NCAM2: variants seen among roughly 807,000 people sequenced by gnomAD.
NCAM2 encodes the protein neural cell adhesion molecule 2.
NCAM2 carries 30 observed loss-of-function variants against 98.1 expected under a neutral mutation model. The observed-to-expected ratio is 0.31, with a 90% CI of 0.23 to 0.41. The LOEUF is 0.41. Among genes scored for constraint, NCAM2 ranks in the 10% least tolerant of loss-of-function variants. The probability of loss-of-function intolerance (pLI) is 1.00; values close to 1 mark genes in which losing one functional copy is unlikely to be tolerated. For missense variants in NCAM2, 867 were observed against 1,005.8 expected (o/e 0.86, Z 1.87); for synonymous variants, 368 against 342.4 (o/e 1.07, Z -0.83).
In NCAM2 at chr21:21,431,123, T is replaced by TTGTGTGTG. The variant is rs3037969; in HGVS notation, c.1481-969_1481-962dup. ...CAGAGCCAAACCATATAATATATGT[T>TTGTGTGTG]TGTGTGTGTGTGTGTGTGTGTGTAT... On this transcript the variant is annotated intron_variant, in intron 11 of 17. Coordinates refer to ENST00000400546, the MANE Select transcript of NCAM2 (RefSeq NM_004540.5). Among the ~76,000 whole-genome samples, 182 of 141,236 alleles carry TTGTGTGTG rather than the reference T, an allele frequency of 1.3e-3. 1 individual carries two copies. The highest frequency in any genetic ancestry group is 3.6e-3 in the African/African-American group (136 of 38,018). 92.7% of individuals were successfully genotyped at this position (141,236 alleles called of 152,430 possible).
At chr21:21,033,072 G>A (rs1001553504) in intron 1 of NCAM2, among the ~76,000 whole-genome samples, 5 of 151,902 alleles carry the variant, frequency 3.3e-5, no homozygotes, top group African/African-American at 7.3e-5. Context: ...TGCCTCCCAA[G>A]TAGCTGTAGC....
At chr21:21,129,090 T>A (rs1046868711) in intron 1 of NCAM2, among the ~76,000 whole-genome samples, 1 of 152,166 alleles carries the variant, frequency 6.6e-6, no homozygotes, top group African/African-American at 2.4e-5. Flanking sequence ...GGTAAACAAA[T>A]TTTAAAACGT....
intron 1 of NCAM2, among the ~76,000 whole-genome samples, chr21:21,066,569 A>G (rs1464286612): frequency 6.6e-6 from 1 of 152,150 alleles, no homozygotes; most frequent in African/African-American, 2.4e-5. Context: ...ACATGCTACT[A>G]TTGATGCCTC....
intron 1 of NCAM2, among the ~76,000 whole-genome samples, chr21:21,030,678 C>T (rs140371008): frequency 6.6e-6 from 1 of 152,288 alleles, no homozygotes; most frequent in East Asian, 1.9e-4. Flanking sequence ...TTGACAGTGC[C>T]TTCCTTTTAA....
At position 21,236,211 on chromosome 21, in the gene NCAM2, T is replaced by A. The variant is rs140846231; in HGVS notation, c.56-44367T>A. On this transcript the variant is annotated intron_variant, in intron 1 of 17. Transcript: ENST00000400546. ...TTCCTATCTAGGAAATCCCAAGATG[T>A]TATCTCTGTCTTTTGACATTGATCA... 9.1e-4 allele frequency among the ~76,000 whole-genome samples: 139 copies of A among 152,220 alleles called. 1 individual carries two copies. Among genetic ancestry groups the A allele is most frequent in the African/African-American group, 3.1e-3 (130 of 41,562 alleles).
At chr21:21,107,726 G>C (rs1888441574) in intron 1 of NCAM2, among the ~76,000 whole-genome samples, 1 of 152,088 alleles carries the variant, frequency 6.6e-6, no homozygotes, top group Non-Finnish European at 1.5e-5. Context: ...ATGTTGGACA[G>C]TAAGAAAGAG....
intron 12 of NCAM2, among the ~76,000 whole-genome samples, chr21:21,455,254 G>A (rs897196887): frequency 7.8e-5 from 11 of 141,118 alleles, no homozygotes; most frequent in African/African-American, 2.9e-4. Context: ...CCTGTTTGAT[G>A]ACTCAATACA....
intron 1 of NCAM2, among the ~76,000 whole-genome samples, chr21:21,000,818 A>G (rs138426866): frequency 0.013 from 2,003 of 152,262 alleles, 24 homozygotes; most frequent in Non-Finnish European, 0.019. Context: ...CTGGAGTCCA[A>G]TTCCTCTATG....
chr21:21,353,253 T>A (rs1024901529), intron 8 of NCAM2, among the ~76,000 whole-genome samples: 1 of 152,220 alleles, frequency 6.6e-6, no homozygotes, highest in Non-Finnish European at 1.5e-5. Flanking sequence ...CTATGTACTT[T>A]ATGATGGAAT....
At chr21:21,174,191 GGGA>G (rs2068211925) in intron 1 of NCAM2, among the ~76,000 whole-genome samples, 1 of 152,146 alleles carries the variant, frequency 6.6e-6, no homozygotes, top group South Asian at 2.1e-4. Context: ...CCCAAGTGCT[GGGA>G]TTACAGGTGT....
chr21:21,467,428 T>A lies in NCAM2; in HGVS notation c.1774+703T>A, dbSNP rs71330163. On this transcript the variant is annotated intron_variant, in intron 13 of 17. Transcript: ENST00000400546. ...TGTATATGTGTATATATATATCTTT[T>A]TATATATATATATATGTTAGGACAG... is the stretch of plus-strand genomic sequence containing the variant. 8.3e-3 allele frequency among the ~76,000 whole-genome samples: 1,162 copies of A among 140,658 alleles called. 8 individuals carry two copies. The highest frequency in any genetic ancestry group is 0.011 in the Non-Finnish European group (744 of 66,400). 92.3% of individuals were successfully genotyped at this position (140,658 alleles called of 152,430 possible).
chr21:21,244,804 G>A (rs368070504), intron 1 of NCAM2, among the ~76,000 whole-genome samples: 38 of 133,418 alleles, frequency 2.8e-4, no homozygotes, highest in African/African-American at 1.1e-3. Context: ...CCGAGATCGC[G>A]CCACTGCACT....
chr21:21,392,579 T>C (rs1306765467), intron 9 of NCAM2, among the ~76,000 whole-genome samples: 1 of 152,104 alleles, frequency 6.6e-6, no homozygotes, highest in African/African-American at 2.4e-5. Flanking sequence ...AGTGTAACAG[T>C]GTTCCTTTTT....
intron 1 of NCAM2, among the ~76,000 whole-genome samples, chr21:21,150,387 G>C (rs2067413044): frequency 6.6e-6 from 1 of 152,004 alleles, no homozygotes; most frequent in African/African-American, 2.4e-5. Flanking sequence ...TGTGAATAGA[G>C]GTGATGAGAA....
At chr21:21,524,264 C>A (rs1989194882) in intron 16 of NCAM2, among the ~76,000 whole-genome samples, 1 of 151,936 alleles carries the variant, frequency 6.6e-6, no homozygotes, top group Non-Finnish European at 1.5e-5. Context: ...GGGGTCATTT[C>A]TCAAGGAAAA....
At chr21:21,101,560 T>C (rs1326560045) in intron 1 of NCAM2, among the ~76,000 whole-genome samples, 3 of 152,052 alleles carry the variant, frequency 2.0e-5, no homozygotes, top group Non-Finnish European at 4.4e-5. Flanking sequence ...AAGCTTTCTT[T>C]TATTTCAAAT....
chr21:21,127,475 C>T (rs1429578052), intron 1 of NCAM2, among the ~76,000 whole-genome samples: 1 of 152,098 alleles, frequency 6.6e-6, no homozygotes, highest in African/African-American at 2.4e-5. Context: ...TCCAGATCTT[C>T]TCTTCTAGCT....
At chr21:21,051,240 T>C in intron 1 of NCAM2, among the ~76,000 whole-genome samples, 1 of 123,376 alleles carries the variant, frequency 8.1e-6, no homozygotes, top group Non-Finnish European at 1.7e-5. Context: ...AAAGCATGCT[T>C]CAAGCTATGG....
intron 1 of NCAM2, among the ~76,000 whole-genome samples, chr21:21,028,506 TTTG>T (rs1431806242): frequency 6.6e-6 from 1 of 152,218 alleles, no homozygotes; most frequent in Non-Finnish European, 1.5e-5. Context: ...GTGAGGTCAC[TTTG>T]TTGTTGTTTG....
Sources: gnomAD v4.1 joint callset for allele counts (sites outside exome capture counted in the v4.1 genomes callset) on GRCh38, gnomAD v4.1.1 for gene constraint, MANE v1.5 for transcripts, NCBI Gene and HGNC (gene_info 2026-07-23, HGNC 2026-07-21) for gene names.